The following NUP85 variants were observed in gnomAD, a reference collection of about 807,000 sequenced individuals.
NUP85 encodes the protein nuclear pore complex protein Nup85.
NUP85 carries 23 observed loss-of-function variants against 92.8 expected under a neutral mutation model. That is an observed-to-expected ratio of 0.25 (90% CI 0.18 to 0.35). The LOEUF is 0.35. Among genes scored for constraint, NUP85 ranks in the 10% least tolerant of loss-of-function variants. The probability of loss-of-function intolerance (pLI) is 1.00; values close to 1 mark genes in which losing one functional copy is unlikely to be tolerated. For synonymous variants in NUP85, 314 were observed against 306.9 expected (o/e 1.02, Z -0.24); for missense variants, 759 against 822.8 (o/e 0.92, Z 0.95).
intron 16 of NUP85, among the ~76,000 whole-genome samples, chr17:75,233,420 C>CT (rs137958890): frequency 0.065 from 7,630 of 117,774 alleles, 701 homozygotes; most frequent in African/African-American, 0.19. Flanking sequence ...TTTCTTTCTT[C>CT]TTTTCTTTTA....
rs760953241 is a variant in NUP85, at chr17:75,234,811, TTTTC to T, written c.1767+27_1767+30del. On this transcript the variant is annotated intron_variant, in intron 17 of 18. Transcript: ENST00000245544. ...CAGGTGAAGGTTGCAGCAGCAGTGGTTTTCTTTGCTTGTCAGTCCCTGCTAGAGC... is the reference window on the plus strand; with the variant it reads ...CAGGTGAAGGTTGCAGCAGCAGTGGTTTTGCTTGTCAGTCCCTGCTAGAGC... The T allele has an allele frequency of 1.1e-5, 17 of 1,613,484 alleles. No homozygotes were observed. In the East Asian group the frequency reaches 2.7e-4, roughly 25 times the overall value.
chr17:75,226,964 A>C, intron 11 of NUP85: 4 of 258,412 alleles, frequency 1.5e-5, no homozygotes, highest in Non-Finnish European at 3.2e-5. Flanking sequence ...CTATGATTGC[A>C]CTGAATCTTT....
At chr17:75,210,412 T>C (rs2145271758) in intron 3 of NUP85, among the ~76,000 whole-genome samples, 1 of 152,360 alleles carries the variant, frequency 6.6e-6, no homozygotes, top group South Asian at 2.1e-4. Flanking sequence ...TTTCTTGAAT[T>C]GTAGTTCATA....
Position 75,231,681 on chromosome 17 carries a change from AGCATGCG to A in NUP85, c.1244+45_1244+51del, listed in dbSNP as rs752840719. 1.9e-6 allele frequency: 3 copies of A among 1,566,422 alleles called. No individual in the cohort carries two copies. The African/African-American group carries it at 5.0e-5, about 26-fold the overall frequency. Reference sequence around the variant, plus strand: ...GGTGTGGGCTATGCGGGTGCTCTTCAGCATGCGGGTGCCATTGGAGCTTGGACTGTTC... The same window carrying A: ...GGTGTGGGCTATGCGGGTGCTCTTCAGGTGCCATTGGAGCTTGGACTGTTC... On this transcript the variant is annotated intron_variant, in intron 13 of 18. Coordinates refer to ENST00000245544, the MANE Select transcript of NUP85 (RefSeq NM_024844.5). This position sits in a 1 kb window ranked among gnomAD's most constrained non-coding sequence, Gnocchi z 4.6.
At chr17:75,228,532 T>A in intron 11 of NUP85, 2 of 985,370 alleles carry the variant, frequency 2.0e-6, no homozygotes, top group Non-Finnish European at 2.4e-6. Flanking sequence ...TTTTAGGAAG[T>A]GTGCCCTCCT....
At chr17:75,216,733 C>A (rs2145304710) in intron 6 of NUP85, among the ~76,000 whole-genome samples, 1 of 152,296 alleles carries the variant, frequency 6.6e-6, no homozygotes, top group Non-Finnish European at 1.5e-5. Flanking sequence ...CATACTCTCA[C>A]TAAAGAAGTG....
In NUP85 at chr17:75,226,807, A is replaced by C. The variant is rs1185796170; in HGVS notation, c.1094+650A>C. 3 of 442,160 alleles carry C rather than the reference A, an allele frequency of 6.8e-6. No homozygotes were observed. In the East Asian group the frequency reaches 2.1e-4, roughly 31 times the overall value. The allele number at this position is 442,160 out of a possible 1,614,324, so 27.4% of individuals were successfully genotyped here. A position where few individuals can be genotyped will look rare whatever the true frequency, so the allele number is the denominator to read the frequency against. ...TGACATTTAAAATCTAGAAAAAGCCAGCAAGCCTGTTTCTTGGCACCTAAT... is the reference window on the plus strand; with the variant it reads ...TGACATTTAAAATCTAGAAAAAGCCCGCAAGCCTGTTTCTTGGCACCTAAT... On this transcript the variant is annotated intron_variant, in intron 11 of 18. Coordinates refer to ENST00000245544, the MANE Select transcript of NUP85 (RefSeq NM_024844.5).
chr17:75,234,267 G>A (rs1469943815), intron 16 of NUP85, among the ~76,000 whole-genome samples: 1 of 151,398 alleles, frequency 6.6e-6, no homozygotes, highest in Non-Finnish European at 1.5e-5. Flanking sequence ...GGCCAGGTTG[G>A]TCTCAAACTC....
At position 75,226,096 on chromosome 17, in the gene NUP85, C is replaced by G. The variant is rs370022411; in HGVS notation, c.1033C>G (p.Leu345Val). ...GGGAGGTGAGAGCAGCCCAGAACCCCTGGACAACATCTTGTTGGCAGCCTT... is the reference window on the plus strand; with the variant it reads ...GGGAGGTGAGAGCAGCCCAGAACCCGTGGACAACATCTTGTTGGCAGCCTT... ...FLGGESSPEPLDNILLAAFEF... is the reference protein window; with the variant it reads ...FLGGESSPEPVDNILLAAFEF... The change falls in exon 11 of 19, where the codon CTG becomes GTG. Residue 345 changes from leucine (L) to valine (V), a missense_variant. Physicochemically the swap from Leu to Val is conservative, Grantham distance 32 (BLOSUM62 1). Transcript: ENST00000245544. 6.2e-7 allele frequency: 1 copy of G among 1,614,156 alleles called. No individual in the cohort carries two copies. Among genetic ancestry groups the G allele is most frequent in the East Asian group, 2.2e-5 (1 of 44,882 alleles).
intron 1 of NUP85, 93 bp from the exon 2 acceptor site, chr17:75,208,434 T>TCG: frequency 1.4e-6 from 1 of 706,506 alleles, no homozygotes; most frequent in Non-Finnish European, 2.4e-6. Context: ...GAGTGAGTCT[T>TCG]TGTCTCAAAA....
chr17:75,208,706 C>T (rs2075165055), intron 2 of NUP85, 86 bp downstream of exon 2: 2 of 774,754 alleles, frequency 2.6e-6, no homozygotes, highest in African/African-American at 1.8e-5. Flanking sequence ...TAGTTGTGGA[C>T]TGAAACAGTT....
Position 75,231,915 on chromosome 17 carries a change from G to C in NUP85, c.1332G>C (p.Leu444=). Residue 444 remains leucine (L), a synonymous_variant, in exon 14 of 19, where the codon CTG becomes CTC. Transcript: ENST00000245544. This position sits in a 1 kb window ranked among gnomAD's most constrained non-coding sequence, Gnocchi z 4.6. Reference sequence around the variant, plus strand: ...AGCTGCACATTGAGCGGATACCTCTGAACACCGAGCAGAAAGCCCTGAAGG... The same window carrying C: ...AGCTGCACATTGAGCGGATACCTCTCAACACCGAGCAGAAAGCCCTGAAGG... The part of the protein sequence containing the change: ...SLELHIERIP[L]NTEQKALKVL... 1 of 1,614,232 alleles carries C rather than the reference G, an allele frequency of 6.2e-7. No homozygotes were observed. The highest frequency in any genetic ancestry group is 8.5e-7 in the Non-Finnish European group (1 of 1,180,046).
At chr17:75,225,860 G>T in intron 10 of NUP85, 31 bp downstream of exon 10, 1 of 1,613,208 alleles carries the variant, frequency 6.2e-7, no homozygotes, top group African/African-American at 1.3e-5. Context: ...CAAGGGTGGG[G>T]GTAGGAGTCC....
At chr17:75,234,054 T>TC (rs1261197702) in intron 16 of NUP85, among the ~76,000 whole-genome samples, 1 of 4,198 alleles carries the variant, frequency 2.4e-4, no homozygotes, top group African/African-American at 1.1e-3. Flanking sequence ...TGTTTCTTCT[T>TC]TTTTTTTTTT....
rs1598345657 is a variant in NUP85, at chr17:75,231,735, G to C, written c.1245-93G>C. 2 of 1,599,958 alleles carry C rather than the reference G, an allele frequency of 1.3e-6. No individual in the cohort carries two copies. Among genetic ancestry groups the C allele is most frequent in the South Asian group, 2.2e-5 (2 of 90,750 alleles). ...GTTCTCTCCCAGTTGGCTCCTTGAA[G>C]GCTTCGGAAGGGTCAGTGAAAGGGA... On this transcript the variant is annotated intron_variant, in intron 13 of 18. Coordinates refer to ENST00000245544, the MANE Select transcript of NUP85 (RefSeq NM_024844.5). The surrounding 1 kb of genome is among the most constrained non-coding windows in gnomAD (Gnocchi z 4.6).
At position 75,230,362 on chromosome 17, in the gene NUP85, G is replaced by T. The variant is rs1387974896; in HGVS notation, c.1095-978G>T. On this transcript the variant is annotated intron_variant, in intron 11 of 18. Coordinates refer to ENST00000245544, the MANE Select transcript of NUP85 (RefSeq NM_024844.5). Reference sequence around the variant, plus strand: ...GGCCAAGGTGTACAACATGTTTTTTGTTTTTTTTTTTTTTTGAGATGGAGT... The same window carrying T: ...GGCCAAGGTGTACAACATGTTTTTTTTTTTTTTTTTTTTTTGAGATGGAGT... 1.6e-3 allele frequency among the ~76,000 whole-genome samples: 120 copies of T among 73,654 alleles called. 2 individuals carry two copies. The East Asian group carries it at 0.074, about 45-fold the overall frequency. 48.3% of individuals were successfully genotyped at this position (73,654 alleles called of 152,430 possible). A position where few individuals can be genotyped will look rare whatever the true frequency, so the allele number is the denominator to read the frequency against.
chr17:75,217,146 G>A (rs891243123), intron 6 of NUP85, among the ~76,000 whole-genome samples: 5 of 151,976 alleles, frequency 3.3e-5, no homozygotes, highest in African/African-American at 9.7e-5. Flanking sequence ...CAGAAGCCTC[G>A]ACTTCCTGGG....
chr17:75,212,608 G>C (rs1040048906), intron 4 of NUP85, among the ~76,000 whole-genome samples: 1 of 151,646 alleles, frequency 6.6e-6, no homozygotes, highest in Non-Finnish European at 1.5e-5. Flanking sequence ...AAGTAGTTGG[G>C]ACTGCAGGTG....
At chr17:75,232,751 G>A (rs185530296) in intron 14 of NUP85, 100 bp from the exon 15 acceptor site, 32 of 978,122 alleles carry the variant, frequency 3.3e-5, no homozygotes, top group South Asian at 1.5e-4. Context: ...GTGGCTCTGC[G>A]GTGGAGTGAG....
Sources: allele counts gnomAD v4.1 joint callset (sites outside exome capture counted in the v4.1 genomes callset), GRCh38; gene constraint gnomAD v4.1.1; non-coding constraint Gnocchi (gnomAD v3.1); transcripts MANE v1.5; gene names NCBI Gene and HGNC (gene_info 2026-07-23, HGNC 2026-07-21).